Variants in PHACTR1 observed in about 807,000 individuals in gnomAD.
PHACTR1 encodes RPEL repeat containing 1.
PHACTR1 carries 16 observed loss-of-function variants against 69.2 expected under a neutral mutation model. The ratio of observed to expected loss-of-function variants is 0.23; its 90% CI spans 0.16 to 0.35. The LOEUF is 0.35. Among genes scored for constraint, PHACTR1 ranks in the 10% least tolerant of loss-of-function variants. PHACTR1 has a pLI of 1.00. For missense variants in PHACTR1, 510 were observed against 734.7 expected (o/e 0.69, Z 3.54); for synonymous variants, 312 against 284.5 (o/e 1.10, Z -0.97).
At chr6:12,867,875 G>C (rs1456692840) in intron 4 of PHACTR1, among the ~76,000 whole-genome samples, 1 of 152,136 alleles carries the variant, frequency 6.6e-6, no homozygotes, top group Non-Finnish European at 1.5e-5. Context: ...AGACATATAA[G>C]ACAGTCTGTA....
chr6:13,188,412 T>G (rs1763089072), intron 7 of PHACTR1, among the ~76,000 whole-genome samples: 1 of 152,192 alleles, frequency 6.6e-6, no homozygotes, highest in African/African-American at 2.4e-5. Flanking sequence ...ATTCTAGAAC[T>G]CTAAATTGAG....
chr6:12,888,072 CAA>C (rs33925347), intron 4 of PHACTR1, among the ~76,000 whole-genome samples: 25 of 71,932 alleles, frequency 3.5e-4, no homozygotes, highest in African/African-American at 1.2e-3. Context: ...GACTCCATCT[CAA>C]AAAAAAAAAA....
chr6:13,051,483 C>T (rs1805937013), intron 4 of PHACTR1, among the ~76,000 whole-genome samples: 1 of 152,192 alleles, frequency 6.6e-6, no homozygotes, highest in African/African-American at 2.4e-5. Flanking sequence ...TGTCTCTCTC[C>T]ACTAGTGCTT....
At chr6:13,178,439 T>A (rs1475439340) in intron 6 of PHACTR1, among the ~76,000 whole-genome samples, 1 of 152,240 alleles carries the variant, frequency 6.6e-6, no homozygotes, top group Non-Finnish European at 1.5e-5. Context: ...TCTCAAAGCG[T>A]GGTACCCTGA....
intron 8 of PHACTR1, among the ~76,000 whole-genome samples, chr6:13,216,031 T>A (rs1324445387): frequency 6.6e-6 from 1 of 152,266 alleles, no homozygotes; most frequent in Non-Finnish European, 1.5e-5. Context: ...TTTCTTATAA[T>A]GTCCCCTTTT....
At chr6:12,723,251 A>G (rs1297501614) in intron 3 of PHACTR1, among the ~76,000 whole-genome samples, 1 of 151,998 alleles carries the variant, frequency 6.6e-6, no homozygotes, top group African/African-American at 2.4e-5. Flanking sequence ...GAGAACCACC[A>G]TTATGGATCG....
chr6:13,225,628 C>G (rs1353246285), intron 8 of PHACTR1, among the ~76,000 whole-genome samples: 1 of 152,146 alleles, frequency 6.6e-6, no homozygotes, highest in Non-Finnish European at 1.5e-5. Flanking sequence ...CAACTTGGAG[C>G]CTTCTACCTT....
intron 6 of PHACTR1, among the ~76,000 whole-genome samples, chr6:13,161,922 T>TG (rs1759075599): frequency 6.6e-6 from 1 of 152,216 alleles, no homozygotes; most frequent in Non-Finnish European, 1.5e-5. Flanking sequence ...CAGAACCTCC[T>TG]GGGGTCAAGC....
At chr6:13,149,909 T>C (rs1309801990) in intron 5 of PHACTR1, among the ~76,000 whole-genome samples, 1 of 151,942 alleles carries the variant, frequency 6.6e-6, no homozygotes, top group Non-Finnish European at 1.5e-5. Context: ...TCTTGTAATG[T>C]GACCCAGGGA....
intron 4 of PHACTR1, among the ~76,000 whole-genome samples, chr6:13,043,853 C>T (rs1299454105): frequency 6.6e-6 from 1 of 152,166 alleles, no homozygotes; most frequent in Non-Finnish European, 1.5e-5. Flanking sequence ...TGGATTAACA[C>T]AAGACTTGGG....
At chr6:13,225,568 G>C (rs1036456140) in intron 8 of PHACTR1, among the ~76,000 whole-genome samples, 1 of 152,174 alleles carries the variant, frequency 6.6e-6, no homozygotes, top group Non-Finnish European at 1.5e-5. Context: ...CTATGTGGTG[G>C]AGTTTCTTAT....
chr6:12,937,960 C>A (rs1280338076), intron 4 of PHACTR1, among the ~76,000 whole-genome samples: 1 of 152,008 alleles, frequency 6.6e-6, no homozygotes, highest in African/African-American at 2.4e-5. Flanking sequence ...AGTAGCCAGG[C>A]ATGGTAGCAC....
intron 4 of PHACTR1, among the ~76,000 whole-genome samples, chr6:12,817,000 G>A (rs1360725773): frequency 6.6e-6 from 1 of 152,118 alleles, no homozygotes; most frequent in Non-Finnish European, 1.5e-5. Context: ...TGTGTGTGGG[G>A]GTGCATGTGT....
chr6:12,744,070 G>A (rs554256994), intron 3 of PHACTR1, among the ~76,000 whole-genome samples: 16 of 152,244 alleles, frequency 1.1e-4, no homozygotes, highest in African/African-American at 3.4e-4. Context: ...GGTACATCAC[G>A]AAATGAAGGC....
At position 12,853,037 on chromosome 6, in the gene PHACTR1, G is replaced by A. The variant is rs114990895; in HGVS notation, c.250+103247G>A. On this transcript the variant is annotated intron_variant, in intron 4 of 14. Coordinates refer to ENST00000332995, the MANE Select transcript of PHACTR1 (RefSeq NM_030948.6). ...TGCCTTCGCTCCTATGAGAACCTTT[G>A]CTATCTTATTGCAACTTGAAGCATC... Among the ~76,000 whole-genome samples the A allele has an allele frequency of 4.2e-3, 635 of 152,254 alleles. 5 individuals are homozygous for A. The highest frequency in any genetic ancestry group is 0.015 in the African/African-American group (609 of 41,534).
chr6:12,931,924 C>T (rs1322137970), intron 4 of PHACTR1, among the ~76,000 whole-genome samples: 3 of 151,910 alleles, frequency 2.0e-5, no homozygotes, highest in Non-Finnish European at 4.4e-5. Context: ...CCACTCTCAG[C>T]ATCTCTTCCT....
chr6:12,882,609 A>C (rs1783211232), intron 4 of PHACTR1, among the ~76,000 whole-genome samples: 1 of 152,218 alleles, frequency 6.6e-6, no homozygotes, highest in Non-Finnish European at 1.5e-5. Flanking sequence ...AGAGAGATGA[A>C]AATGGTTAAA....
At chr6:12,910,413 C>G (rs1786255827) in intron 4 of PHACTR1, among the ~76,000 whole-genome samples, 1 of 152,148 alleles carries the variant, frequency 6.6e-6, no homozygotes, top group Non-Finnish European at 1.5e-5. Context: ...AATTGGCAGA[C>G]TCATGCACTA....
intron 4 of PHACTR1, among the ~76,000 whole-genome samples, chr6:13,043,666 A>T (rs557372660): frequency 3.3e-4 from 51 of 152,358 alleles, no homozygotes; most frequent in African/African-American, 1.2e-3. Context: ...TAAAGTACTT[A>T]CTATTTGGCT....
Sources: gnomAD v4.1 joint callset for allele counts (sites outside exome capture counted in the v4.1 genomes callset) on GRCh38, gnomAD v4.1.1 for gene constraint, MANE v1.5 for transcripts, NCBI Gene and HGNC (gene_info 2026-07-23, HGNC 2026-07-21) for gene names.